Variants in NALF1 observed in about 807,000 individuals in gnomAD.
NALF1 encodes family with sequence similarity 155 member A.
NALF1 carries 3 observed loss-of-function variants against 48.4 expected under a neutral mutation model. The observed-to-expected ratio is 0.06, with a 90% confidence interval of 0.03 to 0.16. The LOEUF is 0.16. Ranked by LOEUF, NALF1 falls within the 10% of genes least tolerant of loss-of-function variation. The pLI is 1.00. For synonymous variants in NALF1, 262 were observed against 245.7 expected (o/e 1.07, Z -0.62); for missense variants, 526 against 571.5 (o/e 0.92, Z 0.81).
intron 1 of NALF1, among the ~76,000 whole-genome samples, chr13:107,844,401 T>A (rs1880118682): frequency 6.6e-6 from 1 of 152,204 alleles, no homozygotes; most frequent in Non-Finnish European, 1.5e-5. Flanking sequence ...AAATTCATTA[T>A]TATGTAGGTC....
chr13:107,653,177 T>C (rs1880489623), intron 1 of NALF1, among the ~76,000 whole-genome samples: 1 of 150,960 alleles, frequency 6.6e-6, no homozygotes. Flanking sequence ...AAACAATCTA[T>C]GCTTTATTTT....
chr13:107,441,897 A>G (rs1278129941), intron 1 of NALF1, among the ~76,000 whole-genome samples: 1 of 152,228 alleles, frequency 6.6e-6, no homozygotes. Flanking sequence ...GAAATATTCA[A>G]CTGAATAAAA....
At chr13:107,232,882 C>T (rs1880256507) in intron 1 of NALF1, among the ~76,000 whole-genome samples, 2 of 152,178 alleles carry the variant, frequency 1.3e-5, no homozygotes, top group Admixed American at 6.5e-5. Flanking sequence ...TAATTCCATG[C>T]AGTAGGCAGT....
At chr13:107,463,117 C>T (rs926825518) in intron 1 of NALF1, among the ~76,000 whole-genome samples, 4 of 152,208 alleles carry the variant, frequency 2.6e-5, no homozygotes, top group African/African-American at 4.8e-5. Flanking sequence ...ACAGTACTTT[C>T]ATCTCTGCGT....
intron 1 of NALF1, among the ~76,000 whole-genome samples, chr13:107,420,974 G>A (rs1884175825): frequency 6.6e-6 from 1 of 152,020 alleles, no homozygotes; most frequent in Non-Finnish European, 1.5e-5. Context: ...CTTTATTTGA[G>A]GGGCTGTCTT....
chr13:107,220,965 C>A (rs1331114734), intron 1 of NALF1, among the ~76,000 whole-genome samples: 3 of 151,884 alleles, frequency 2.0e-5, no homozygotes, highest in African/African-American at 7.3e-5. Flanking sequence ...GAATACTAGT[C>A]AGCCATAAAA....
At chr13:107,347,997 T>A (rs1217747014) in intron 1 of NALF1, among the ~76,000 whole-genome samples, 1 of 152,184 alleles carries the variant, frequency 6.6e-6, no homozygotes, top group Non-Finnish European at 1.5e-5. Flanking sequence ...AACATAACCA[T>A]CCCTTTGGAT....
intron 1 of NALF1, among the ~76,000 whole-genome samples, chr13:107,400,713 A>G (rs921733245): frequency 5.3e-5 from 8 of 151,336 alleles, no homozygotes; most frequent in Non-Finnish European, 1.0e-4. Context: ...CAAAATAAAT[A>G]AAATAAAATA....
At position 107,361,630 on chromosome 13, in the gene NALF1, G is replaced by A. The variant is rs186339932; in HGVS notation, c.916-150875C>T. ...TTTCCCATCAGAAGATGGTGCAGCA[G>A]AGCCGGTTTTGCAAAGATGCAAGAT... is the stretch of plus-strand genomic sequence containing the variant. On this transcript the variant is annotated intron_variant, in intron 1 of 2. Transcript: ENST00000375915. Among the ~76,000 whole-genome samples, 528 of 152,334 alleles carry A rather than the reference G, an allele frequency of 3.5e-3. 3 individuals carry two copies. Among genetic ancestry groups the A allele is most frequent in the Non-Finnish European group, 6.6e-3 (448 of 68,032 alleles).
intron 1 of NALF1, among the ~76,000 whole-genome samples, chr13:107,791,393 C>A (rs1466077948): frequency 6.6e-6 from 1 of 152,102 alleles, no homozygotes; most frequent in East Asian, 1.9e-4. Context: ...TATGTCTTCA[C>A]TCTATAGTGA....
chr13:107,856,638 G>A (rs887932269), intron 1 of NALF1, among the ~76,000 whole-genome samples: 1 of 152,114 alleles, frequency 6.6e-6, no homozygotes, highest in Non-Finnish European at 1.5e-5. Context: ...CTACTACTGT[G>A]AGCAAGGTGT....
At chr13:107,420,292 A>G (rs8001121) in intron 1 of NALF1, among the ~76,000 whole-genome samples, 5,096 of 152,290 alleles carry the variant, frequency 0.033, 266 homozygotes, top group African/African-American at 0.12. Flanking sequence ...GCCAAACTTT[A>G]GATGGTTCTT....
intron 1 of NALF1, among the ~76,000 whole-genome samples, chr13:107,276,661 T>C (rs1162668694): frequency 2.6e-5 from 4 of 152,188 alleles, no homozygotes; most frequent in Admixed American, 6.5e-5. Flanking sequence ...TTCCATCTCA[T>C]CTTTGTATAG....
At chr13:107,236,308 T>G (rs1399686322) in intron 1 of NALF1, among the ~76,000 whole-genome samples, 1 of 152,110 alleles carries the variant, frequency 6.6e-6, no homozygotes, top group Non-Finnish European at 1.5e-5. Context: ...TTCTCAGGCT[T>G]TCAAAGCAGG....
chr13:107,582,382 C>T (rs1336522653), intron 1 of NALF1, among the ~76,000 whole-genome samples: 2 of 152,182 alleles, frequency 1.3e-5, no homozygotes, highest in East Asian at 3.9e-4. Flanking sequence ...ACAGAAGTGC[C>T]ACTGCATTGT....
intron 2 of NALF1, among the ~76,000 whole-genome samples, chr13:107,188,707 T>C (rs1440634639): frequency 6.6e-6 from 1 of 152,156 alleles, no homozygotes; most frequent in Non-Finnish European, 1.5e-5. Context: ...AGTCCTCCAC[T>C]CTCTCCTATT....
intron 1 of NALF1, among the ~76,000 whole-genome samples, chr13:107,724,140 A>C (rs1427961228): frequency 6.6e-6 from 1 of 152,178 alleles, no homozygotes; most frequent in African/African-American, 2.4e-5. Flanking sequence ...TTTTTAATGA[A>C]TAAACTGAAG....
intron 1 of NALF1, among the ~76,000 whole-genome samples, chr13:107,457,829 C>T (rs908761653): frequency 6.6e-6 from 1 of 152,194 alleles, no homozygotes; most frequent in Non-Finnish European, 1.5e-5. Flanking sequence ...TCTCTGTTCA[C>T]GTTTATTTTT....
chr13:107,660,168 G>A (rs946446160), intron 1 of NALF1, among the ~76,000 whole-genome samples: 5 of 151,898 alleles, frequency 3.3e-5, no homozygotes, highest in Non-Finnish European at 7.4e-5. Flanking sequence ...GGTTGGGTGT[G>A]GTGGCTCACA....
Sources: gnomAD v4.1 joint callset for allele counts (sites outside exome capture counted in the v4.1 genomes callset) on GRCh38, gnomAD v4.1.1 for gene constraint, MANE v1.5 for transcripts, NCBI Gene and HGNC (gene_info 2026-07-23, HGNC 2026-07-21) for gene names.